PTPRS: variants seen among roughly 807,000 people sequenced by gnomAD.
PTPRS encodes protein tyrosine phosphatase receptor type S.
PTPRS carries 63 observed loss-of-function variants against 215.3 expected under a neutral mutation model. That is an observed-to-expected ratio of 0.29 (90% CI 0.24 to 0.36). PTPRS has a LOEUF of 0.36. PTPRS is among the 10% of genes least tolerant of loss of function. PTPRS has a pLI of 1.00. For synonymous variants in PTPRS, 1,404 were observed against 1,191.4 expected, an observed-to-expected ratio of 1.18 and a Z score of -3.68; for missense variants, 2,258 against 2,825.8, an observed-to-expected ratio of 0.80 and a Z score of 4.56.
At position 5,205,699 on chromosome 19, in the gene PTPRS, C is replaced by T. The variant is rs2040312339; in HGVS notation, c.*1075G>A. Among the ~76,000 whole-genome samples, 1 of 152,190 alleles carries T rather than the reference C, an allele frequency of 6.6e-6. No individual in the cohort carries two copies. Among genetic ancestry groups the T allele is most frequent in the Admixed American group, 6.5e-5 (1 of 15,272 alleles). ...CTGTCCTTCTGGTTTTGCTCCCAAA[C>T]TGCCCCACAGTCCCAGGGGGAAAGG... On this transcript the variant is annotated 3_prime_UTR_variant, in exon 38 of 38. Coordinates refer to ENST00000262963, the MANE Select transcript of PTPRS (RefSeq NM_002850.4).
chr19:5,307,557 G>T (rs2049539055), intron 1 of PTPRS, among the ~76,000 whole-genome samples: 1 of 152,152 alleles, frequency 6.6e-6, no homozygotes, highest in Non-Finnish European at 1.5e-5. Context: ...TGTAGAAGAT[G>T]CTGCCATTTG....
At chr19:5,239,164 G>GAGAGA (rs1568451445) in intron 12 of PTPRS, 101 bp from the exon 13 acceptor site, 7 of 433,654 alleles carry the variant, frequency 1.6e-5, no homozygotes, top group African/African-American at 1.6e-4. Context: ...GGGGGGAGGG[G>GAGAGA]GAGAGAGAGA....
chr19:5,279,270 A>C (rs919446671), intron 2 of PTPRS, among the ~76,000 whole-genome samples: 15 of 152,222 alleles, frequency 9.9e-5, no homozygotes, highest in African/African-American at 2.9e-4. Flanking sequence ...GTGGCTGGAC[A>C]CAGGGACAGA....
At chr19:5,331,581 A>C (rs1463464119) in intron 1 of PTPRS, among the ~76,000 whole-genome samples, 1 of 152,140 alleles carries the variant, frequency 6.6e-6, no homozygotes, top group African/African-American at 2.4e-5. Context: ...CATGACACCC[A>C]AAAATGTCCC....
At chr19:5,225,545 G>T (rs530624800) in intron 17 of PTPRS, among the ~76,000 whole-genome samples, 182 bp downstream of exon 17, 1 of 123,074 alleles carries the variant, frequency 8.1e-6, no homozygotes, top group African/African-American at 3.4e-5. Flanking sequence ...AGGCAGGGGC[G>T]GGGGGGGCCA....
chr19:5,244,371 T>C lies in PTPRS; in HGVS notation c.1100A>G (p.Tyr367Cys). The change falls in exon 11 of 38, where the codon TAT (tyrosine) becomes TGT (cysteine). Residue 367 changes from tyrosine to cysteine, a missense_variant. Around this residue, in one of 6 missense-constraint regions of PTPRS, gnomAD observed 508 missense variants for 799.4 expected, o/e 0.64. Transcript: ENST00000262963. The surrounding 1 kb of genome is among the most constrained non-coding windows in gnomAD (Gnocchi z 7.2). ...CGGCCCGTCTTGGCTCTTGGATTTATATTCGATGACGTAATAGGACACAGG... is the reference window on the plus strand; with the variant it reads ...CGGCCCGTCTTGGCTCTTGGATTTACATTCGATGACGTAATAGGACACAGG... The part of the protein sequence containing the change: ...PDPVSYYVIE[Y>C]KSKSQDGPYQ... The C allele has an allele frequency of 6.2e-7, 1 of 1,614,208 alleles. No homozygotes were observed.
At chr19:5,214,834 C>T in intron 28 of PTPRS, 98 bp from the exon 29 acceptor site, 1 of 1,237,954 alleles carries the variant, frequency 8.1e-7, no homozygotes, top group South Asian at 1.5e-5. Context: ...CTGACCGCTC[C>T]CAGATTGTCC....
intron 35 of PTPRS, among the ~76,000 whole-genome samples, chr19:5,209,265 C>T (rs1033231072): frequency 2.6e-5 from 4 of 152,114 alleles, no homozygotes; most frequent in African/African-American, 4.8e-5. Flanking sequence ...TGCCATCCAA[C>T]CACATCATTC....
intron 1 of PTPRS, among the ~76,000 whole-genome samples, chr19:5,340,241 G>A (rs1412437578): frequency 2.7e-5 from 4 of 147,716 alleles, no homozygotes; most frequent in Non-Finnish European, 6.0e-5. Context: ...GACCCGGGCC[G>A]GGCGCCGCCG....
intron 28 of PTPRS, 98 bp downstream of exon 28, chr19:5,215,191 A>C: frequency 6.6e-7 from 1 of 1,515,202 alleles, no homozygotes; most frequent in Non-Finnish European, 9.0e-7. Flanking sequence ...CAGGTCTATG[A>C]CCAGAATCAG....
intron 35 of PTPRS, 85 bp from the exon 36 acceptor site, chr19:5,208,476 T>C (rs1349216699): frequency 2.3e-6 from 3 of 1,296,530 alleles, no homozygotes; most frequent in East Asian, 5.3e-5. Context: ...TCACCCCCAT[T>C]TTTTGTTTGT....
At chr19:5,239,380 T>C (rs1383848023) in intron 12 of PTPRS, among the ~76,000 whole-genome samples, 1 of 121,056 alleles carries the variant, frequency 8.3e-6, no homozygotes, top group Non-Finnish European at 1.7e-5. Flanking sequence ...GAGACAGAGA[T>C]AGAGACAGAG....
In PTPRS at chr19:5,293,211, C is replaced by T. The variant is rs1442048428; in HGVS notation, c.-94-6977G>A. 6.6e-6 allele frequency: 1 copy of T among 151,714 alleles called. No individual in the cohort carries two copies. The highest frequency in any genetic ancestry group is 1.5e-5 in the Non-Finnish European group (1 of 67,818). 9.4% of individuals were successfully genotyped at this position (151,714 alleles called of 1,614,324 possible). A position where few individuals can be genotyped will look rare whatever the true frequency, so the allele number is the denominator to read the frequency against. On this transcript the variant is annotated intron_variant, in intron 1 of 37. Coordinates refer to ENST00000262963, the MANE Select transcript of PTPRS (RefSeq NM_002850.4). The surrounding 1 kb of genome is among the most constrained non-coding windows in gnomAD (Gnocchi z 8.4). ...GGCCCGCCGCAGCCGCTCCCCGCGT[C>T]CCTCGGTCCGCCCGGAGCGCGGCGC...
intron 1 of PTPRS, among the ~76,000 whole-genome samples, chr19:5,336,816 G>C (rs989391717): frequency 1.4e-5 from 2 of 140,746 alleles, no homozygotes; most frequent in Non-Finnish European, 3.1e-5. Flanking sequence ...TGGTGGGGGG[G>C]AGGGTCTCTC....
chr19:5,334,616 G>GGT (rs1180213200), intron 1 of PTPRS, among the ~76,000 whole-genome samples: 2 of 152,172 alleles, frequency 1.3e-5, no homozygotes. Context: ...AGAGCCCTGG[G>GGT]GTGTGTGTGT....
At chr19:5,306,366 T>C (rs1249928423) in intron 1 of PTPRS, among the ~76,000 whole-genome samples, 1 of 152,050 alleles carries the variant, frequency 6.6e-6, no homozygotes, top group Non-Finnish European at 1.5e-5. Flanking sequence ...GCTGGTCTCA[T>C]GCTCCTGACC....
At chr19:5,330,187 G>A (rs1210844363) in intron 1 of PTPRS, among the ~76,000 whole-genome samples, 3 of 152,098 alleles carry the variant, frequency 2.0e-5, no homozygotes, top group Admixed American at 6.5e-5. Context: ...CAGGGCCCCC[G>A]TGAAGCTGGG....
At chr19:5,213,221 C>T (rs1400027555) in intron 30 of PTPRS, among the ~76,000 whole-genome samples, 1 of 152,186 alleles carries the variant, frequency 6.6e-6, no homozygotes, top group African/African-American at 2.4e-5. Flanking sequence ...CCCACCCAAG[C>T]CCCCCAGTCT....
intron 25 of PTPRS, among the ~76,000 whole-genome samples, chr19:5,217,108 G>C (rs895252217): frequency 2.6e-5 from 4 of 152,242 alleles, no homozygotes; most frequent in African/African-American, 9.6e-5. Context: ...GAAGGAGGAT[G>C]CAGGATGGTG....
Sources: gnomAD v4.1 joint callset for allele counts (sites outside exome capture counted in the v4.1 genomes callset) on GRCh38, gnomAD v4.1.1 for gene constraint, gnomAD v4.1.1 regional missense constraint, Gnocchi (gnomAD v3.1) non-coding constraint, MANE v1.5 for transcripts, NCBI Gene and HGNC (gene_info 2026-07-23, HGNC 2026-07-21) for gene names.